Variants in AP1M1 observed in about 807,000 individuals in gnomAD.
The protein encoded by AP1M1 is AP-1 complex subunit mu-1.
AP1M1 carries 18 observed loss-of-function variants against 57.1 expected under a neutral mutation model. That is an observed-to-expected ratio of 0.32 (90% confidence interval 0.22 to 0.47). AP1M1 has a LOEUF of 0.47. AP1M1 is among the 20% of genes least tolerant of loss of function. The pLI is 1.00. For synonymous variants in AP1M1, 241 were observed against 237.9 expected, an observed-to-expected ratio of 1.01 and a Z score of -0.12; for missense variants, 362 against 593.5, an observed-to-expected ratio of 0.61 and a Z score of 4.05.
At position 16,244,691 on chromosome 19, in the gene AP1M1, G is replaced by A. The variant is rs1415793621; in HGVS notation, c.*10256G>A. The A allele has an allele frequency of 2.6e-5, 4 of 151,652 alleles. No homozygotes were observed. The highest frequency in any genetic ancestry group is 2.1e-4 in the South Asian group (1 of 4,788). The allele number at this position is 151,652 out of a possible 1,614,324, so 9.4% of individuals were successfully genotyped here. On this transcript the variant is annotated 3_prime_UTR_variant, in exon 12 of 12. Transcript: ENST00000291439. ...TAAAAATACAAAAAATTAGCCGGGC[G>A]CGGTGGCGGGCGCCTGTAGTCCCAG...
rs1051535249 is a variant in AP1M1 at position 16,228,698 on chromosome 19, C to T, written c.889-72C>T. The stretch of plus-strand genomic sequence containing the variant: ...GGATCCCCCGGGCCAGGCTGAGGGG[C>T]ATGTGTCCTGGAGAGGCTGGCCAGC... On this transcript the variant is annotated intron_variant, in intron 8 of 11. Transcript: ENST00000291439. This position sits in a 1 kb window ranked among gnomAD's most constrained non-coding sequence, Gnocchi z 5.0. The T allele has an allele frequency of 8.9e-6, 14 of 1,567,834 alleles. No individual in the cohort carries two copies. The highest frequency in any genetic ancestry group is 6.8e-5 in the African/African-American group (5 of 74,054).
rs2145117232 is a variant in AP1M1, at chr19:16,206,849, AG to A, written c.267+442del. ...GCTGACACGCCAGGCCCAGGCTGCCAGTGAGACACAGATAGCAGCCAGGGTG... is the reference window on the plus strand; with the variant it reads ...GCTGACACGCCAGGCCCAGGCTGCCATGAGACACAGATAGCAGCCAGGGTG... On this transcript the variant is annotated intron_variant, in intron 3 of 11. Coordinates refer to ENST00000291439, the MANE Select transcript of AP1M1 (RefSeq NM_032493.4). This position sits in a 1 kb window ranked among gnomAD's most constrained non-coding sequence, Gnocchi z 4.3. Among the ~76,000 whole-genome samples the A allele has an allele frequency of 6.6e-6, 1 of 152,270 alleles. No individual in the cohort carries two copies. Among genetic ancestry groups the A allele is most frequent in the South Asian group, 2.1e-4 (1 of 4,822 alleles).
chr19:16,202,370 C>T (rs1043371035), intron 1 of AP1M1, among the ~76,000 whole-genome samples: 2 of 152,214 alleles, frequency 1.3e-5, no homozygotes, highest in African/African-American at 4.8e-5. Flanking sequence ...AACTTCCGAC[C>T]TCCTTTTTAT....
At chr19:16,216,908 T>A (rs2091521267) in intron 5 of AP1M1, among the ~76,000 whole-genome samples, 1 of 152,250 alleles carries the variant, frequency 6.6e-6, no homozygotes, top group African/African-American at 2.4e-5. Flanking sequence ...TGTTCTTGTT[T>A]GCATGTGCCA....
intron 9 of AP1M1, among the ~76,000 whole-genome samples, chr19:16,229,352 C>T (rs2091585986): frequency 6.6e-6 from 1 of 152,282 alleles, no homozygotes; most frequent in Admixed American, 6.5e-5. Context: ...CGGAGCAGCA[C>T]AGCCTCCAGA....
At chr19:16,224,046 G>A (rs1026521899) in intron 5 of AP1M1, among the ~76,000 whole-genome samples, 10 of 152,230 alleles carry the variant, frequency 6.6e-5, no homozygotes, top group African/African-American at 1.9e-4. Context: ...GGGTGTCTCC[G>A]TGACCTGGGC....
At chr19:16,224,622 G>A (rs895385361) in intron 5 of AP1M1, among the ~76,000 whole-genome samples, 5 of 152,238 alleles carry the variant, frequency 3.3e-5, no homozygotes, top group South Asian at 4.1e-4. Context: ...CCGCAGGGCC[G>A]AGATCAGCCT....
In AP1M1 at chr19:16,226,986, A is replaced by G. The variant is rs796414034; in HGVS notation, c.673+439A>G. ...CAGCAGGGCGGGGGCAGAGGGGCCC[A>G]GGGCCTGGTTTTGTGAACTGTGCCT... On this transcript the variant is annotated intron_variant, in intron 6 of 11. Coordinates refer to ENST00000291439, the MANE Select transcript of AP1M1 (RefSeq NM_032493.4). Among the ~76,000 whole-genome samples the G allele has an allele frequency of 6.6e-5, 10 of 152,284 alleles. 1 individual carries two copies. The highest frequency in any genetic ancestry group is 2.4e-4 in the African/African-American group (10 of 41,562).
intron 5 of AP1M1, among the ~76,000 whole-genome samples, chr19:16,218,234 T>C (rs2091527110): frequency 6.6e-6 from 1 of 152,226 alleles, no homozygotes; most frequent in Admixed American, 6.5e-5. Flanking sequence ...TTAGTAAAAG[T>C]TCTGTTTATC....
At chr19:16,225,564 G>A (rs146250790) in intron 5 of AP1M1, among the ~76,000 whole-genome samples, 109 of 152,314 alleles carry the variant, frequency 7.2e-4, no homozygotes, top group African/African-American at 2.1e-3. Flanking sequence ...CCGTCGCCCC[G>A]GTGTGGATTT....
Position 16,242,358 on chromosome 19 carries a change from T to C in AP1M1, c.*7923T>C, listed in dbSNP as rs2091648517. ...AAAAATCAGGATAAATGCAGGGATG[T>C]TCTAAACTTTTTAAAATAATAAATA... is the stretch of plus-strand genomic sequence containing the variant. On this transcript the variant is annotated 3_prime_UTR_variant, in exon 12 of 12. Transcript: ENST00000291439. 6.6e-6 allele frequency: 1 copy of C among 152,054 alleles called. No homozygotes were observed. The highest frequency in any genetic ancestry group is 6.6e-5 in the Admixed American group (1 of 15,258). 9.4% of individuals were successfully genotyped at this position (152,054 alleles called of 1,614,324 possible).
chr19:16,228,005 G>C lies in AP1M1; in HGVS notation c.817-132G>C. ...GCCCTGGCCCTCCCTGACGCTGGCT[G>C]TACGCTCCCTGCAGGGCTCTGGGCC... On this transcript the variant is annotated intron_variant, in intron 7 of 11. Coordinates refer to ENST00000291439, the MANE Select transcript of AP1M1 (RefSeq NM_032493.4). The surrounding 1 kb of genome is among the most constrained non-coding windows in gnomAD (Gnocchi z 5.0). 1.0e-6 allele frequency: 1 copy of C among 979,522 alleles called. No homozygotes were observed. The highest frequency in any genetic ancestry group is 1.5e-6 in the Non-Finnish European group (1 of 645,686). The allele number at this position is 979,522 out of a possible 1,614,324, so 60.7% of individuals were successfully genotyped here.
intron 11 of AP1M1, 54 bp from the exon 12 acceptor site, chr19:16,234,359 C>A (rs2091614053): frequency 6.2e-7 from 1 of 1,613,790 alleles, no homozygotes; most frequent in Non-Finnish European, 8.5e-7. Context: ...GGGTCGGGTC[C>A]CGAAAGCAGG....
chr19:16,228,670 G>A lies in AP1M1; in HGVS notation c.889-100G>A. 7.1e-7 allele frequency: 1 copy of A among 1,406,312 alleles called. No individual in the cohort carries two copies. The highest frequency in any genetic ancestry group is 1.3e-5 in the South Asian group (1 of 79,682). The allele number at this position is 1,406,312 out of a possible 1,614,324, so 87.1% of individuals were successfully genotyped here. ...GAAGTGGGGCCAGGGGCGGGGCTAG[G>A]GAGGATCCCCCGGGCCAGGCTGAGG... is the stretch of plus-strand genomic sequence containing the variant. On this transcript the variant is annotated intron_variant, in intron 8 of 11. Coordinates refer to ENST00000291439, the MANE Select transcript of AP1M1 (RefSeq NM_032493.4). This position sits in a 1 kb window ranked among gnomAD's most constrained non-coding sequence, Gnocchi z 5.0.
intron 9 of AP1M1, among the ~76,000 whole-genome samples, chr19:16,230,372 T>G (rs1242180345): frequency 6.6e-6 from 1 of 152,006 alleles, no homozygotes; most frequent in Non-Finnish European, 1.5e-5. Context: ...GACATAATAC[T>G]GTTGCACATT....
intron 5 of AP1M1, among the ~76,000 whole-genome samples, chr19:16,220,494 G>A (rs764057860): frequency 6.6e-6 from 1 of 151,914 alleles, no homozygotes; most frequent in Non-Finnish European, 1.5e-5. Context: ...AGGTTCAAGC[G>A]ATTCTCCAGC....
At chr19:16,211,078 T>C (rs2091491278) in intron 5 of AP1M1, among the ~76,000 whole-genome samples, 1 of 149,094 alleles carries the variant, frequency 6.7e-6, no homozygotes, top group Admixed American at 6.9e-5. Context: ...GTCTGTAGCT[T>C]ATCTTTTTAT....
intron 5 of AP1M1, among the ~76,000 whole-genome samples, chr19:16,218,055 C>T (rs902380842): frequency 6.6e-6 from 1 of 152,188 alleles, no homozygotes; most frequent in African/African-American, 2.4e-5. Context: ...AAGCTACCAC[C>T]CACATTCTAG....
rs146546344 is a variant in AP1M1, at chr19:16,203,572, C to T, written c.156C>T (p.His52=). The change falls in exon 2 of 12, where the codon CAC becomes CAT. Residue 52 remains histidine, a synonymous_variant. Coordinates refer to ENST00000291439, the MANE Select transcript of AP1M1 (RefSeq NM_032493.4). This position sits in a 1 kb window ranked among gnomAD's most constrained non-coding sequence, Gnocchi z 4.6. ...EEGMLSPILA[H]GGVRFMWIKH... Reference sequence around the variant, plus strand: ...GGATGCTGTCGCCCATCCTGGCCCACGGGGGGGTCCGTTTCATGTGGATCA... The same window carrying T: ...GGATGCTGTCGCCCATCCTGGCCCATGGGGGGGTCCGTTTCATGTGGATCA... 1.9e-5 allele frequency: 31 copies of T among 1,613,764 alleles called. No homozygotes were observed. The highest frequency in any genetic ancestry group is 4.5e-5 in the East Asian group (2 of 44,884).
Sources: gnomAD v4.1 joint callset for allele counts (sites outside exome capture counted in the v4.1 genomes callset) on GRCh38, gnomAD v4.1.1 for gene constraint, Gnocchi (gnomAD v3.1) non-coding constraint, MANE v1.5 for transcripts, NCBI Gene and HGNC (gene_info 2026-07-23, HGNC 2026-07-21) for gene names.